The following CADM2 variants were observed in gnomAD, a reference collection of about 807,000 sequenced individuals.
CADM2 encodes the protein immunoglobulin superfamily member 4D.
In CADM2, 12 loss-of-function variants were observed where a neutral mutation model predicts 49.8. The observed-to-expected ratio is 0.24, with a 90% CI of 0.15 to 0.39. The LOEUF (loss-of-function observed/expected upper bound fraction) is 0.39. Ranked by LOEUF, CADM2 falls within the 10% of genes least tolerant of loss-of-function variation. The pLI, the probability that CADM2 is intolerant of heterozygous loss-of-function variation, is 1.00. For missense variants in CADM2, 378 were observed against 492.3 expected (o/e 0.77, Z 2.20); for synonymous variants, 214 against 175.4 (o/e 1.22, Z -1.74).
At chr3:86,035,515 T>C (rs887724665) in intron 8 of CADM2, among the ~76,000 whole-genome samples, 1 of 152,104 alleles carries the variant, frequency 6.6e-6, no homozygotes, top group South Asian at 2.1e-4. Context: ...ACAAATGTTT[T>C]AAATAAGAAC....
At chr3:85,550,242 T>A (rs2061768088) in intron 1 of CADM2, among the ~76,000 whole-genome samples, 1 of 152,176 alleles carries the variant, frequency 6.6e-6, no homozygotes, top group Non-Finnish European at 1.5e-5. Context: ...AGATGTGGGG[T>A]GCATTGTATA....
chr3:85,374,861 A>C (rs2033491284), intron 1 of CADM2, among the ~76,000 whole-genome samples: 1 of 152,158 alleles, frequency 6.6e-6, no homozygotes, highest in African/African-American at 2.4e-5. Context: ...CTCCCATGAC[A>C]CATGGGGATT....
intron 3 of CADM2, among the ~76,000 whole-genome samples, chr3:85,854,909 C>G (rs3925704): frequency 0.45 from 69,103 of 151,968 alleles, 16,354 homozygotes; most frequent in Non-Finnish European, 0.52. Flanking sequence ...TAGTAACTCT[C>G]CACATTGGCC....
chr3:85,776,773 T>A (rs904007913), intron 2 of CADM2, among the ~76,000 whole-genome samples: 24 of 152,126 alleles, frequency 1.6e-4, no homozygotes, highest in Non-Finnish European at 2.8e-4. Context: ...AAGTAAATAC[T>A]CAGTGCTAAT....
chr3:85,489,612 C>T (rs1014056977), intron 1 of CADM2, among the ~76,000 whole-genome samples: 6 of 151,676 alleles, frequency 4.0e-5, no homozygotes, highest in African/African-American at 1.2e-4. Flanking sequence ...ATGTAACTAA[C>T]CTGCACAATG....
chr3:85,685,472 A>C (rs2066174618), intron 1 of CADM2, among the ~76,000 whole-genome samples: 1 of 152,190 alleles, frequency 6.6e-6, no homozygotes, highest in Admixed American at 6.5e-5. Flanking sequence ...TGGGGGCAGA[A>C]GTTATGTAGG....
Position 85,802,056 on chromosome 3 carries a change from G to C in CADM2, c.98G>C (p.Gly33Ala). 6.2e-7 allele frequency: 1 copy of C among 1,607,814 alleles called. No individual in the cohort carries two copies. The highest frequency in any genetic ancestry group is 2.2e-5 in the East Asian group (1 of 44,688). Reference protein sequence around the residue: ...ASKNKVKGSQGQFPLTQNVTV... With the variant: ...ASKNKVKGSQAQFPLTQNVTV... ...TTTAATCCCCTTTTAGGCAGCCAAG[G>C]GCAGTTTCCACTAACACAGAATGTA... Residue 33 changes from glycine (G) to alanine (A), a missense_variant, in exon 3 of 10, where the codon GGG becomes GCG. Transcript: ENST00000383699.
rs111587556 is a variant in CADM2, at chr3:85,605,768, T to C, written c.62-120754T>C. ...CTTTCCAATTTTTCTGTCTCCTCTGTGACAAGATCTCCAGAACACATCCTT... is the reference window on the plus strand; with the variant it reads ...CTTTCCAATTTTTCTGTCTCCTCTGCGACAAGATCTCCAGAACACATCCTT... On this transcript the variant is annotated intron_variant, in intron 1 of 9. Coordinates refer to ENST00000383699, the MANE Select transcript of CADM2 (RefSeq NM_001167675.2). 3.9e-3 allele frequency among the ~76,000 whole-genome samples: 592 copies of C among 152,230 alleles called. 3 individuals are homozygous for C. Among genetic ancestry groups the C allele is most frequent in the African/African-American group, 0.013 (530 of 41,558 alleles).
chr3:85,931,055 A>C lies in CADM2; in HGVS notation c.701-4712A>C, dbSNP rs186170939. ...TAAAAATATTTTAGAATAGTATACC[A>C]AAATGATGATAAGATATATCACAAA... On this transcript the variant is annotated intron_variant, in intron 6 of 9. Coordinates refer to ENST00000383699, the MANE Select transcript of CADM2 (RefSeq NM_001167675.2). 2.5e-3 allele frequency among the ~76,000 whole-genome samples: 379 copies of C among 152,168 alleles called. 1 individual carries two copies. The highest frequency in any genetic ancestry group is 8.8e-3 in the African/African-American group (367 of 41,520).
intron 3 of CADM2, among the ~76,000 whole-genome samples, chr3:85,835,012 G>A (rs2074345318): frequency 6.6e-6 from 1 of 151,658 alleles, no homozygotes; most frequent in African/African-American, 2.4e-5. Flanking sequence ...GCATGTGTGT[G>A]TGAATGTTGA....
intron 1 of CADM2, among the ~76,000 whole-genome samples, chr3:85,718,506 A>G (rs2067377549): frequency 6.6e-6 from 1 of 152,192 alleles, no homozygotes; most frequent in African/African-American, 2.4e-5. Context: ...GACAAAAGTC[A>G]TAATCTTACA....
At chr3:85,256,978 C>T (rs1276817778) in intron 1 of CADM2, among the ~76,000 whole-genome samples, 1 of 152,092 alleles carries the variant, frequency 6.6e-6, no homozygotes, top group African/African-American at 2.4e-5. Context: ...TCATCATATG[C>T]TAGGCATTAT....
At chr3:85,792,940 T>C (rs2071422889) in intron 2 of CADM2, among the ~76,000 whole-genome samples, 1 of 152,184 alleles carries the variant, frequency 6.6e-6, no homozygotes, top group African/African-American at 2.4e-5. Context: ...TTATGTCCTA[T>C]GTGATAGTGT....
chr3:85,189,754 A>G (rs2041160244), intron 1 of CADM2, among the ~76,000 whole-genome samples: 1 of 152,148 alleles, frequency 6.6e-6, no homozygotes, highest in Non-Finnish European at 1.5e-5. Context: ...GCTACCATGA[A>G]GTTGTAACCA....
intron 5 of CADM2, among the ~76,000 whole-genome samples, chr3:85,897,239 A>ATATTT (rs1559728598): frequency 1.2e-5 from 1 of 82,240 alleles, no homozygotes; most frequent in Non-Finnish European, 2.4e-5. Flanking sequence ...TTTAACCTAC[A>ATATTT]TCTTTTTTTT....
At chr3:85,775,583 A>G (rs1011939650) in intron 2 of CADM2, among the ~76,000 whole-genome samples, 9 of 151,838 alleles carry the variant, frequency 5.9e-5, no homozygotes, top group South Asian at 2.1e-4. Context: ...ACTGCTTTTT[A>G]AAAATTTGCC....
chr3:85,826,645 T>C (rs374680902), intron 3 of CADM2, among the ~76,000 whole-genome samples: 1 of 151,868 alleles, frequency 6.6e-6, no homozygotes, highest in South Asian at 2.1e-4. Context: ...TGGAGAAGAA[T>C]AAACATTTTT....
intron 8 of CADM2, among the ~76,000 whole-genome samples, chr3:86,044,542 A>T (rs1396333509): frequency 5.9e-5 from 9 of 152,214 alleles, no homozygotes; most frequent in African/African-American, 2.2e-4. Context: ...AATGGCGATC[A>T]TTAAACAGTC....
intron 1 of CADM2, among the ~76,000 whole-genome samples, chr3:85,688,441 A>G (rs1316381696): frequency 2.0e-5 from 3 of 152,114 alleles, no homozygotes; most frequent in African/African-American, 7.2e-5. Context: ...CTTAAATGAA[A>G]CAGGCTGATC....
Sources: gnomAD v4.1 joint callset for allele counts (sites outside exome capture counted in the v4.1 genomes callset) on GRCh38, gnomAD v4.1.1 for gene constraint, MANE v1.5 for transcripts, NCBI Gene and HGNC (gene_info 2026-07-23, HGNC 2026-07-21) for gene names.